THSD7A: variants seen among roughly 807,000 people sequenced by gnomAD.
THSD7A encodes the protein thrombospondin type-1 domain-containing protein 7A.
Under a neutral mutation model 231.3 loss-of-function variants are expected in THSD7A, and 96 were observed. The observed-to-expected ratio is 0.41, with a 90% CI of 0.35 to 0.49. The LOEUF (loss-of-function observed/expected upper bound fraction) is 0.49, where lower values mean the gene tolerates loss of function less well. Among genes scored for constraint, THSD7A ranks in the 20% least tolerant of loss-of-function variants. THSD7A has a pLI of 0.05. For synonymous variants in THSD7A, 940 were observed against 743.3 expected, an observed-to-expected ratio of 1.26 and a Z score of -4.30; for missense variants, 2,290 against 2,070.2, an observed-to-expected ratio of 1.11 and a Z score of -2.06.
Position 11,636,058 on chromosome 7 carries a change from G to C in THSD7A, c.1022+72C>G, listed in dbSNP as rs1459486286. On this transcript the variant is annotated intron_variant, in intron 2 of 27. Coordinates refer to ENST00000423059, the MANE Select transcript of THSD7A (RefSeq NM_015204.3). This position sits in a 1 kb window ranked among gnomAD's most constrained non-coding sequence, Gnocchi z 10.0. ...TACGTAATCCAGAAGTTATTAGATA[G>C]TACCGGATATCTTAGGTACTCATGA... is the stretch of plus-strand genomic sequence containing the variant. 2.5e-5 allele frequency: 34 copies of C among 1,381,000 alleles called. No individual in the cohort carries two copies. The highest frequency in any genetic ancestry group is 4.1e-5 in the Admixed American group (2 of 49,118). 85.5% of individuals were successfully genotyped at this position (1,381,000 alleles called of 1,614,324 possible). A position where few individuals can be genotyped will look rare whatever the true frequency, so the allele number is the denominator to read the frequency against.
intron 9 of THSD7A, 53 bp from the exon 10 acceptor site, chr7:11,462,196 C>T: frequency 4.4e-6 from 7 of 1,590,354 alleles, no homozygotes; most frequent in Non-Finnish European, 6.0e-6. Flanking sequence ...GAGATAATCT[C>T]TAAATACCAG....
chr7:11,670,437 A>G (rs1783338025), intron 1 of THSD7A, among the ~76,000 whole-genome samples: 1 of 152,224 alleles, frequency 6.6e-6, no homozygotes, highest in South Asian at 2.1e-4. Flanking sequence ...CTGAATTTTC[A>G]TATACATAAA....
chr7:11,793,590 T>G (rs1355469522), intron 1 of THSD7A, among the ~76,000 whole-genome samples: 1 of 151,508 alleles, frequency 6.6e-6, no homozygotes, highest in Non-Finnish European at 1.5e-5. Flanking sequence ...ATGAAAAAAA[T>G]GAAGAAACAT....
intron 1 of THSD7A, among the ~76,000 whole-genome samples, chr7:11,703,132 G>C (rs79368571): frequency 0.023 from 3,527 of 151,292 alleles, 76 homozygotes; most frequent in Non-Finnish European, 0.033. Context: ...TCTTGCTTCA[G>C]TTTCAGCCTT....
At position 11,637,720 on chromosome 7, in the gene THSD7A, T is replaced by C. The variant is rs2526102; in HGVS notation, c.191-759A>G. On this transcript the variant is annotated intron_variant, in intron 1 of 27. Transcript: ENST00000423059. The surrounding 1 kb of genome is among the most constrained non-coding windows in gnomAD (Gnocchi z 4.2). Reference sequence around the variant, plus strand: ...ATTTATTCATTTCTTAAACATGAACTATTTGGTATTACAGAGCTGTTTGAT... The same window carrying C: ...ATTTATTCATTTCTTAAACATGAACCATTTGGTATTACAGAGCTGTTTGAT... Among the ~76,000 whole-genome samples, 26,233 of 152,186 alleles carry C rather than the reference T, an allele frequency of 0.17. 2,359 individuals carry two copies. The highest frequency in any genetic ancestry group is 0.23 in the East Asian group (1,202 of 5,176).
intron 1 of THSD7A, among the ~76,000 whole-genome samples, chr7:11,789,339 A>G (rs1313313119): frequency 6.6e-6 from 1 of 152,080 alleles, no homozygotes; most frequent in East Asian, 1.9e-4. Flanking sequence ...AATGAAAGCC[A>G]TCAGAATATT....
intron 2 of THSD7A, among the ~76,000 whole-genome samples, chr7:11,622,566 G>A (rs1323089887): frequency 6.6e-6 from 1 of 152,058 alleles, no homozygotes; most frequent in Non-Finnish European, 1.5e-5. Flanking sequence ...TGTCATATCA[G>A]TTGTGTAAAA....
intron 1 of THSD7A, among the ~76,000 whole-genome samples, chr7:11,724,437 C>G (rs1345775966): frequency 6.6e-6 from 1 of 151,828 alleles, no homozygotes; most frequent in East Asian, 2.0e-4. Context: ...GCAGAGAGCT[C>G]TGTACTGATT....
intron 1 of THSD7A, among the ~76,000 whole-genome samples, chr7:11,747,558 C>A (rs1409284393): frequency 2.0e-5 from 3 of 151,828 alleles, no homozygotes; most frequent in African/African-American, 7.3e-5. Context: ...ACTTTTATGT[C>A]TAGTACAGTA....
chr7:11,405,226 G>A (rs981135180), intron 22 of THSD7A, among the ~76,000 whole-genome samples: 1 of 150,030 alleles, frequency 6.7e-6, no homozygotes, highest in Admixed American at 6.7e-5. Flanking sequence ...AGTTTTTCCA[G>A]GTTTTAGGGA....
At chr7:11,792,698 G>C (rs1783994984) in intron 1 of THSD7A, among the ~76,000 whole-genome samples, 1 of 151,880 alleles carries the variant, frequency 6.6e-6, no homozygotes, top group Non-Finnish European at 1.5e-5. Flanking sequence ...GCAATCCAAA[G>C]CAAACGAAAC....
At chr7:11,731,671 A>G (rs1583234682) in intron 1 of THSD7A, among the ~76,000 whole-genome samples, 1 of 151,676 alleles carries the variant, frequency 6.6e-6, no homozygotes, top group Non-Finnish European at 1.5e-5. Flanking sequence ...GCAATAAGCC[A>G]GGCAGCAATC....
chr7:11,474,470 G>A lies in THSD7A; in HGVS notation c.2116C>T (p.Gln706Ter). 1 of 1,613,536 alleles carries A rather than the reference G, an allele frequency of 6.2e-7. No homozygotes were observed. The highest frequency in any genetic ancestry group is 8.5e-7 in the Non-Finnish European group (1 of 1,179,612). Residue 706 changes from glutamine (Q) to a stop codon, truncating the protein, a stop_gained, in exon 8 of 28, where the codon CAG (glutamine) becomes TAG (stop). Coordinates refer to ENST00000423059, the MANE Select transcript of THSD7A (RefSeq NM_015204.3). LOFTEE classifies it high-confidence loss of function. This position sits in a 1 kb window ranked among gnomAD's most constrained non-coding sequence, Gnocchi z 4.1. Reference protein sequence around the residue: ...VYHWQTGPWGQCIEDTSVSSF... With the variant: ...VYHWQTGPWG ...GATACTGAGGTGTCCTCAATGCACT[G>A]GCCCCAGGGACCAGTTTGCCAGTGG... is the stretch of plus-strand genomic sequence containing the variant.
At chr7:11,515,627 A>C (rs961010954) in intron 6 of THSD7A, among the ~76,000 whole-genome samples, 2 of 152,308 alleles carry the variant, frequency 1.3e-5, no homozygotes, top group South Asian at 2.1e-4. Flanking sequence ...AGAAAATTAA[A>C]GCTACAGAGA....
chr7:11,777,633 A>C (rs937311321), intron 1 of THSD7A, among the ~76,000 whole-genome samples: 2 of 152,234 alleles, frequency 1.3e-5, no homozygotes, highest in South Asian at 4.1e-4. Context: ...CTGAATTCCT[A>C]TTGTTTGTCT....
intron 2 of THSD7A, among the ~76,000 whole-genome samples, chr7:11,604,746 A>C (rs763519453): frequency 3.3e-5 from 5 of 152,156 alleles, no homozygotes; most frequent in Non-Finnish European, 7.4e-5. Context: ...AATTTCTGGC[A>C]GTTTATAAAT....
intron 6 of THSD7A, among the ~76,000 whole-genome samples, chr7:11,514,291 T>C (rs1470765580): frequency 6.6e-6 from 1 of 152,222 alleles, no homozygotes; most frequent in Non-Finnish European, 1.5e-5. Context: ...CAATGTAAGG[T>C]CCATGAAGAC....
In THSD7A at chr7:11,628,987, G is replaced by A. The variant is rs77991945; in HGVS notation, c.1022+7143C>T. 0.016 allele frequency among the ~76,000 whole-genome samples: 2,479 copies of A among 152,246 alleles called. 166 individuals carry two copies. The East Asian group carries it at 0.24, about 15-fold the overall frequency. ...TATAGGAAGATTATTACCCTATGGC[G>A]ATAAAGGAATCAAGGGAAAGGATTT... is the stretch of plus-strand genomic sequence containing the variant. On this transcript the variant is annotated intron_variant, in intron 2 of 27. Coordinates refer to ENST00000423059, the MANE Select transcript of THSD7A (RefSeq NM_015204.3).
intron 6 of THSD7A, among the ~76,000 whole-genome samples, chr7:11,505,109 T>C (rs55928740): frequency 0.34 from 50,947 of 151,938 alleles, 8,599 homozygotes; most frequent in Admixed American, 0.35. Flanking sequence ...AAAAATATCA[T>C]TGCTTAGAAA....
Sources: allele counts gnomAD v4.1 joint callset (sites outside exome capture counted in the v4.1 genomes callset), GRCh38; gene constraint gnomAD v4.1.1; non-coding constraint Gnocchi (gnomAD v3.1); transcripts MANE v1.5; gene names NCBI Gene and HGNC (gene_info 2026-07-23, HGNC 2026-07-21).